MEGF8: variants seen among roughly 807,000 people sequenced by gnomAD.
MEGF8 encodes the protein multiple EGF like domains 8, also known as multiple epidermal growth factor-like domains protein 8.
A neutral mutation model predicts 302.9 loss-of-function variants in MEGF8; 156 were observed. The ratio of observed to expected loss-of-function variants is 0.52; its 90% CI spans 0.45 to 0.59. The LOEUF is 0.59. MEGF8 is among the 20% of genes least tolerant of loss of function. MEGF8 has a pLI of 0.00. For missense variants in MEGF8, 3,345 were observed against 3,964.5 expected, an observed-to-expected ratio of 0.84 and a Z score of 4.20; for synonymous variants, 1,621 against 1,660.5, an observed-to-expected ratio of 0.98 and a Z score of 0.58.
Position 42,356,140 on chromosome 19 carries a change from CT to C in MEGF8, c.4451del (p.Leu1484ArgfsTer61). 6.3e-7 allele frequency: 1 copy of C among 1,576,512 alleles called. No individual in the cohort carries two copies. The highest frequency in any genetic ancestry group is 8.6e-7 in the Non-Finnish European group (1 of 1,160,278). ...CGGGGGCCCCGACTGCGCCACCAAG[CT>C]GGATGGCGGGCAGCTGGTCTGGGAG... ...GFGGPDCATK[L>X]DGGQLVWETL... On this transcript the variant is annotated frameshift_variant, in exon 25 of 42. Coordinates refer to ENST00000251268, the MANE Select transcript of MEGF8 (RefSeq NM_001271938.2). LOFTEE classifies it high-confidence loss of function. The surrounding 1 kb of genome is among the most constrained non-coding windows in gnomAD (Gnocchi z 5.2).
intron 31 of MEGF8, among the ~76,000 whole-genome samples, chr19:42,360,556 G>A (rs1226109407): frequency 6.6e-6 from 1 of 152,034 alleles, no homozygotes; most frequent in Non-Finnish European, 1.5e-5. Context: ...CGTTGCCCAG[G>A]CTGGTCTTAA....
chr19:42,342,816 C>A (rs1217193969), intron 8 of MEGF8, among the ~76,000 whole-genome samples: 1 of 151,326 alleles, frequency 6.6e-6, no homozygotes, highest in East Asian at 2.0e-4. Context: ...CGTGGATTAT[C>A]TTCTGCCATA....
In MEGF8 at chr19:42,369,514, C is replaced by T; in HGVS notation, c.6642-17C>T. 1.3e-6 allele frequency: 2 copies of T among 1,597,690 alleles called. No individual in the cohort carries two copies. Among genetic ancestry groups the T allele is most frequent in the South Asian group, 2.2e-5 (2 of 90,662 alleles). ...GGAGGGTGGCCACCTGCCCTGACCC[C>T]CACTTTGCCCCTGCAGCATGACAGG... On this transcript the variant is annotated splice_polypyrimidine_tract_variant and intron_variant, in intron 37 of 41. Coordinates refer to ENST00000251268, the MANE Select transcript of MEGF8 (RefSeq NM_001271938.2). The surrounding 1 kb of genome is among the most constrained non-coding windows in gnomAD (Gnocchi z 5.7).
chr19:42,352,490 CCCCAGG>C lies in MEGF8; in HGVS notation c.3350+36_3350+41del, dbSNP rs2039390684. ...GGCGGGGGTTGCTATGGAGATGTTGCCCCAGGCTGGGGCACATGGAGGTGGAGGGAG... is the reference window on the plus strand; with the variant it reads ...GGCGGGGGTTGCTATGGAGATGTTGCCTGGGGCACATGGAGGTGGAGGGAG... On this transcript the variant is annotated intron_variant, in intron 19 of 41. Transcript: ENST00000251268. This position sits in a 1 kb window ranked among gnomAD's most constrained non-coding sequence, Gnocchi z 4.4. 3 of 1,547,790 alleles carry C rather than the reference CCCCAGG, an allele frequency of 1.9e-6. No homozygotes were observed. In the African/African-American group the frequency reaches 4.1e-5, roughly 21 times the overall value.
chr19:42,343,905 T>C, intron 9 of MEGF8, 49 bp from the exon 10 acceptor site: 1 of 1,590,662 alleles, frequency 6.3e-7, no homozygotes, highest in Non-Finnish European at 8.6e-7. Context: ...CTGAGAGGCC[T>C]CCTCCTCCGT....
chr19:42,366,742 G>T (rs1374660236), intron 35 of MEGF8, among the ~76,000 whole-genome samples: 1 of 152,198 alleles, frequency 6.6e-6, no homozygotes, highest in Non-Finnish European at 1.5e-5. Context: ...TGCAGTGTAT[G>T]GTGTTGGGCA....
chr19:42,376,453 G>A lies in MEGF8; in HGVS notation c.8216G>A (p.Gly2739Glu). Residue 2739 changes from glycine (G) to glutamate (E), a missense_variant, in exon 42 of 42, where the codon GGG (glycine) becomes GAG (glutamate). Gly to Glu is a moderately conservative substitution (Grantham distance 98). Coordinates refer to ENST00000251268, the MANE Select transcript of MEGF8 (RefSeq NM_001271938.2). This position sits in a 1 kb window ranked among gnomAD's most constrained non-coding sequence, Gnocchi z 8.2. ...TTCCTGGCACCCCTGCTGCTGACAG[G>A]GGCCGGTGGGCCCTGGGGACCCATG... Reference protein sequence around the residue: ...EPFLAPLLLTGAGGPWGPMGG... With the variant: ...EPFLAPLLLTEAGGPWGPMGG... 2.5e-6 allele frequency: 4 copies of A among 1,610,426 alleles called. No homozygotes were observed. The highest frequency in any genetic ancestry group is 3.4e-6 in the Non-Finnish European group (4 of 1,179,064).
chr19:42,374,269 G>A (rs1290709461), intron 41 of MEGF8, among the ~76,000 whole-genome samples: 3 of 152,004 alleles, frequency 2.0e-5, no homozygotes, highest in African/African-American at 4.8e-5. Context: ...TCAGGAGTTC[G>A]AGACCAGCCT....
chr19:42,366,136 G>A (rs187233027), intron 35 of MEGF8, among the ~76,000 whole-genome samples: 125 of 152,270 alleles, frequency 8.2e-4, no homozygotes, highest in African/African-American at 2.9e-3. Context: ...AAACATAATA[G>A]GCGTGCAGGT....
Position 42,353,879 on chromosome 19 carries a change from G to T in MEGF8, c.3866G>T (p.Gly1289Val), listed in dbSNP as rs780037599. ...CGGGTCGGGGGGCTGCTGCCTCCAGGTGGCGGGGCTGCAAGAGCCGGGCCT... is the reference window on the plus strand; with the variant it reads ...CGGGTCGGGGGGCTGCTGCCTCCAGTTGGCGGGGCTGCAAGAGCCGGGCCT... ...SRRVGGLLPPGGGAARAGPGL... is the reference protein window; with the variant it reads ...SRRVGGLLPPVGGAARAGPGL... Residue 1289 changes from glycine to valine, a missense_variant, in exon 22 of 42, where the codon GGT becomes GTT. By Grantham distance (109) the Gly-to-Val change is moderately radical. Transcript: ENST00000251268. This position sits in a 1 kb window ranked among gnomAD's most constrained non-coding sequence, Gnocchi z 6.1. 1 of 1,599,130 alleles carries T rather than the reference G, an allele frequency of 6.3e-7. No individual in the cohort carries two copies. The highest frequency in any genetic ancestry group is 8.5e-7 in the Non-Finnish European group (1 of 1,173,102).
rs947195336 is a variant in MEGF8 at position 42,348,292 on chromosome 19, G to A, written c.2118G>A (p.Thr706=). 4 of 1,537,298 alleles carry A rather than the reference G, an allele frequency of 2.6e-6. No individual in the cohort carries two copies. The highest frequency in any genetic ancestry group is 3.5e-6 in the Non-Finnish European group (4 of 1,146,882). The change falls in exon 13 of 42, where the codon ACG becomes ACA. Residue 706 remains threonine, a synonymous_variant. Coordinates refer to ENST00000251268, the MANE Select transcript of MEGF8 (RefSeq NM_001271938.2). ...QPDKVSIVRS[T]TITLTPSAET... is the part of the protein sequence containing the mutation. ...CACAGGTCTCAATTGTCCGCAGCAC[G>A]ACCATCACCCTAACACCCAGCGCAG...
Position 42,370,843 on chromosome 19 carries a change from CGGGGGGGGGGGGGGGGGG to C in MEGF8, c.7136+24_7136+41del, listed in dbSNP as rs748624378. 554 of 132,328 alleles carry C rather than the reference CGGGGGGGGGGGGGGGGGG, an allele frequency of 4.2e-3. 13 individuals carry two copies. Among genetic ancestry groups the C allele is most frequent in the Non-Finnish European group, 4.4e-3 (310 of 70,344 alleles). 8.2% of individuals were successfully genotyped at this position (132,328 alleles called of 1,614,324 possible). On this transcript the variant is annotated intron_variant, in intron 40 of 41. Transcript: ENST00000251268. ...GGGAAGTGCACCAAGTAAGAGGAACCGGGGGGGGGGGGGGGGGGGGGGGGGGGGGAGGCCGGGGATCCC... is the reference window on the plus strand; with the variant it reads ...GGGAAGTGCACCAAGTAAGAGGAACCGGGGGGGGGGGAGGCCGGGGATCCC...
chr19:42,354,494 A>G lies in MEGF8; in HGVS notation c.4012-94A>G, dbSNP rs935383336. 5.0e-6 allele frequency: 7 copies of G among 1,399,538 alleles called. No individual in the cohort carries two copies. The African/African-American group carries it at 1.0e-4, about 20-fold the overall frequency. 86.7% of individuals were successfully genotyped at this position (1,399,538 alleles called of 1,614,324 possible). ...CAAACAGCCCATTTCCCAGTCTCAG[A>G]TTGCCCTCCCCTCTTGAACCCCTCC... On this transcript the variant is annotated intron_variant, in intron 22 of 41. Coordinates refer to ENST00000251268, the MANE Select transcript of MEGF8 (RefSeq NM_001271938.2). The surrounding 1 kb of genome is among the most constrained non-coding windows in gnomAD (Gnocchi z 4.3).
In MEGF8 at chr19:42,336,262, C is replaced by T. The variant is rs1162326420; in HGVS notation, c.1160C>T (p.Pro387Leu). ...GTGATTCCGGCAGGCGGACGGCCCCCTGCTGCCACTGGCCACTCCATGGTG... is the reference window on the plus strand; with the variant it reads ...GTGATTCCGGCAGGCGGACGGCCCCTTGCTGCCACTGGCCACTCCATGGTG... ...EQVIPAGGRP[P>L]AATGHSMVFH... The change falls in exon 6 of 42, where the codon CCT (proline) becomes CTT (leucine). Residue 387 changes from proline (P) to leucine (L), a missense_variant. Pro to Leu is a moderately conservative substitution (Grantham distance 98, BLOSUM62 -3). Transcript: ENST00000251268. The surrounding 1 kb of genome is among the most constrained non-coding windows in gnomAD (Gnocchi z 4.8). The T allele has an allele frequency of 6.2e-7, 1 of 1,607,126 alleles. No individual in the cohort carries two copies.
chr19:42,358,444 C>G lies in MEGF8; in HGVS notation c.5175+137C>G. The G allele has an allele frequency of 8.8e-7, 1 of 1,132,818 alleles. No homozygotes were observed. Among genetic ancestry groups the G allele is most frequent in the Non-Finnish European group, 1.2e-6 (1 of 824,250 alleles). The allele number at this position is 1,132,818 out of a possible 1,614,324, so 70.2% of individuals were successfully genotyped here. On this transcript the variant is annotated intron_variant, in intron 29 of 41. Transcript: ENST00000251268. The surrounding 1 kb of genome is among the most constrained non-coding windows in gnomAD (Gnocchi z 4.4). ...ATGTTCCCTAACTAAGCGACACCCC[C>G]ACATCTCCCCCGCTTCCATCCCTGA...
rs1468942381 is a variant in MEGF8, at chr19:42,362,506, G to A, written c.5967G>A (p.Gly1989=). ...ACCAGCGAGAGGTCTTCTGGGCAGGGAACTGCTCCGAGGCTGCGTGCGGGG... is the reference window on the plus strand; with the variant it reads ...ACCAGCGAGAGGTCTTCTGGGCAGGAAACTGCTCCGAGGCTGCGTGCGGGG... ...RINQREVFWA[G]NCSEAACGAA... is the part of the protein sequence containing the mutation. The change falls in exon 34 of 42, where the codon GGG becomes GGA. Residue 1989 remains glycine, a synonymous_variant. Coordinates refer to ENST00000251268, the MANE Select transcript of MEGF8 (RefSeq NM_001271938.2). 12 of 1,613,868 alleles carry A rather than the reference G, an allele frequency of 7.4e-6. No homozygotes were observed. Among genetic ancestry groups the A allele is most frequent in the Non-Finnish European group, 1.0e-5 (12 of 1,179,898 alleles).
rs569480633 is a variant in MEGF8 at position 42,333,601 on chromosome 19, C to T, written c.188-4C>T. ...AGCTTGGTCCCTCTGTGCTCACCTC[C>T]CAGCCCCAAGCCCCCAGCACCGGAT... is the stretch of plus-strand genomic sequence containing the variant. On this transcript the variant is annotated splice_polypyrimidine_tract_variant and splice_region_variant and intron_variant, in intron 1 of 41. Transcript: ENST00000251268. 4.3e-5 allele frequency: 70 copies of T among 1,613,040 alleles called. 1 individual carries two copies. In the East Asian group the frequency reaches 1.5e-3, roughly 34 times the overall value.
intron 23 of MEGF8, among the ~76,000 whole-genome samples, chr19:42,355,440 G>T (rs754255611): frequency 2.0e-5 from 3 of 152,096 alleles, no homozygotes; most frequent in Non-Finnish European, 4.4e-5. Flanking sequence ...TTTGAGGATC[G>T]CTGGGCCACC....
chr19:42,358,188 C>G lies in MEGF8; in HGVS notation c.5056C>G (p.Leu1686Val). 1 of 1,602,482 alleles carries G rather than the reference C, an allele frequency of 6.2e-7. No individual in the cohort carries two copies. The highest frequency in any genetic ancestry group is 8.5e-7 in the Non-Finnish European group (1 of 1,174,986). ...TGTCTACCACGAGGCCACCGACTCC[C>G]TCTACGTGTTTGGGGGGTTCCGATT... is the stretch of plus-strand genomic sequence containing the variant. ...SAVYHEATDS[L>V]YVFGGFRFHV... Residue 1686 changes from leucine (L) to valine (V), a missense_variant, in exon 29 of 42, where the codon CTC becomes GTC. Physicochemically the swap from Leu to Val is conservative, Grantham distance 32 (BLOSUM62 1). Transcript: ENST00000251268. The surrounding 1 kb of genome is among the most constrained non-coding windows in gnomAD (Gnocchi z 4.4).
Sources: allele counts gnomAD v4.1 joint callset (sites outside exome capture counted in the v4.1 genomes callset), GRCh38; gene constraint gnomAD v4.1.1; non-coding constraint Gnocchi (gnomAD v3.1); transcripts MANE v1.5; gene names NCBI Gene and HGNC (gene_info 2026-07-23, HGNC 2026-07-21).